The following TSPAN2 variants were observed in gnomAD, a reference collection of about 807,000 sequenced individuals.
TSPAN2 encodes the protein tetraspanin 2, also known as tetraspanin-2.
A neutral mutation model predicts 33.3 loss-of-function variants in TSPAN2; 24 were observed. That is an observed-to-expected ratio of 0.72 (90% CI 0.52 to 1.01). TSPAN2 has a LOEUF of 1.01. TSPAN2 is among the 50% of genes least tolerant of loss of function. The pLI is 0.00. For missense variants in TSPAN2, 278 were observed against 281.3 expected (o/e 0.99, Z 0.08); for synonymous variants, 114 against 104.5 (o/e 1.09, Z -0.56).
intron 1 of TSPAN2, among the ~76,000 whole-genome samples, chr1:115,074,447 C>T (rs1392162658): frequency 6.6e-6 from 1 of 152,146 alleles, no homozygotes; most frequent in Non-Finnish European, 1.5e-5. Flanking sequence ...CAGCTGGACT[C>T]TCCCTTGTGG....
chr1:115,060,642 GTTCA>G (rs140361788), intron 3 of TSPAN2, 104 bp from the exon 4 acceptor site: 244 of 822,048 alleles, frequency 3.0e-4, no homozygotes, highest in Non-Finnish European at 3.4e-4. Flanking sequence ...CTTTCATGTG[GTTCA>G]TTCATTCATT....
chr1:115,053,378 C>G lies in TSPAN2; in HGVS notation c.600+1G>C. On this transcript the variant is annotated splice_donor_variant, in intron 7 of 7. Coordinates refer to ENST00000369516, the MANE Select transcript of TSPAN2 (RefSeq NM_005725.6). LOFTEE classifies it high-confidence loss of function. ...AAGGGTAAGTTCTAGAACTTTCTCA[C>G]CGTCAGACCTGCAATTCCAATACCG... 2 of 1,613,768 alleles carry G rather than the reference C, an allele frequency of 1.2e-6. No individual in the cohort carries two copies. Among genetic ancestry groups the G allele is most frequent in the South Asian group, 2.2e-5 (2 of 91,054 alleles).
chr1:115,052,738 C>T (rs1647226734), intron 7 of TSPAN2, among the ~76,000 whole-genome samples: 1 of 152,168 alleles, frequency 6.6e-6, no homozygotes, highest in Non-Finnish European at 1.5e-5. Context: ...ATTGCCTTTG[C>T]CTGGTAGATT....
intron 7 of TSPAN2, among the ~76,000 whole-genome samples, 197 bp from the exon 8 acceptor site, chr1:115,050,752 T>C (rs529953927): frequency 1.3e-5 from 2 of 152,324 alleles, no homozygotes; most frequent in African/African-American, 4.8e-5. Flanking sequence ...TAAATGTGTA[T>C]TATTATTGTT....
In TSPAN2 at chr1:115,074,198, GGTCTAA is replaced by G. The variant is rs573247475; in HGVS notation, c.70-1197_70-1192del. Among the ~76,000 whole-genome samples the G allele has an allele frequency of 6.6e-5, 10 of 152,258 alleles. No individual in the cohort carries two copies. The East Asian group carries it at 1.9e-3, about 29-fold the overall frequency. On this transcript the variant is annotated intron_variant, in intron 1 of 7. Transcript: ENST00000369516. ...GGAGGATGGAAATCAGAGAAGCAGA[GGTCTAA>G]AAGGAAAAATCGCACCAGAGACAGC...
intron 1 of TSPAN2, among the ~76,000 whole-genome samples, chr1:115,087,903 C>A (rs1648903750): frequency 6.6e-6 from 1 of 152,134 alleles, no homozygotes; most frequent in Non-Finnish European, 1.5e-5. Context: ...GCACTGAACC[C>A]AGCTTAAGAA....
chr1:115,071,965 C>T (rs1648193282), intron 2 of TSPAN2, among the ~76,000 whole-genome samples: 1 of 152,170 alleles, frequency 6.6e-6, no homozygotes, highest in South Asian at 2.1e-4. Flanking sequence ...GGATGCTCTT[C>T]CTCCCTGCCA....
At chr1:115,071,125 A>G (rs1490939212) in intron 2 of TSPAN2, among the ~76,000 whole-genome samples, 3 of 152,068 alleles carry the variant, frequency 2.0e-5, no homozygotes, top group Admixed American at 1.3e-4. Context: ...CACAGGTCCT[A>G]TGGGGAGCCC....
intron 6 of TSPAN2, 65 bp from the exon 7 acceptor site, chr1:115,053,527 T>C (rs546203205): frequency 1.2e-5 from 16 of 1,349,950 alleles, no homozygotes; most frequent in Admixed American, 1.1e-4. Context: ...ATCCTGATCC[T>C]ATCCTTTCCA....
At chr1:115,075,888 C>T (rs1648385477) in intron 1 of TSPAN2, among the ~76,000 whole-genome samples, 1 of 151,982 alleles carries the variant, frequency 6.6e-6, no homozygotes, top group Non-Finnish European at 1.5e-5. Context: ...TTCTTCTGCC[C>T]CCAGCCACAT....
chr1:115,062,124 G>T lies in TSPAN2; in HGVS notation c.270+11C>A, dbSNP rs777788261. 11 of 1,383,420 alleles carry T rather than the reference G, an allele frequency of 8.0e-6. No homozygotes were observed. Among genetic ancestry groups the T allele is most frequent in the Non-Finnish European group, 1.1e-5 (11 of 1,011,000 alleles). 85.7% of individuals were successfully genotyped at this position (1,383,420 alleles called of 1,614,324 possible). On this transcript the variant is annotated intron_variant, in intron 3 of 7. Coordinates refer to ENST00000369516, the MANE Select transcript of TSPAN2 (RefSeq NM_005725.6). ...CCCCCACCCCACCATTTACCCCCTCGCCCCACTTACTGATCCAAGCACACA... is the reference window on the plus strand; with the variant it reads ...CCCCCACCCCACCATTTACCCCCTCTCCCCACTTACTGATCCAAGCACACA...
intron 1 of TSPAN2, among the ~76,000 whole-genome samples, chr1:115,075,887 C>T (rs1176056705): frequency 6.6e-6 from 1 of 151,996 alleles, no homozygotes; most frequent in Non-Finnish European, 1.5e-5. Flanking sequence ...CTTCTTCTGC[C>T]CCCAGCCACA....
intron 2 of TSPAN2, among the ~76,000 whole-genome samples, chr1:115,072,665 C>T (rs952066756): frequency 5.3e-5 from 8 of 152,208 alleles, no homozygotes; most frequent in South Asian, 2.1e-4. Flanking sequence ...TTTTGGAGAG[C>T]GGAGGAACAG....
In TSPAN2 at chr1:115,062,182, AG is replaced by A; in HGVS notation, c.222del (p.Phe75SerfsTer23). 1 of 1,602,662 alleles carries A rather than the reference AG, an allele frequency of 6.2e-7. No individual in the cohort carries two copies. The highest frequency in any genetic ancestry group is 8.5e-7 in the Non-Finnish European group (1 of 1,174,480). On this transcript the variant is annotated frameshift_variant, in exon 3 of 8. Transcript: ENST00000369516. LOFTEE classifies it high-confidence loss of function. ...GAGALMMAVG[F>X]FGCCGAMRES... ...TCCCGCATGGCTCCGCAGCACCCGA[AG>A]AACCCCACGGCCATCATCAGGGCCC...
At chr1:115,077,370 A>G (rs560454012) in intron 1 of TSPAN2, among the ~76,000 whole-genome samples, 6 of 152,166 alleles carry the variant, frequency 3.9e-5, no homozygotes, top group Non-Finnish European at 8.8e-5. Context: ...AGGGAAAGGA[A>G]TAGATAGTGA....
chr1:115,051,100 A>G (rs2101019179), intron 7 of TSPAN2, among the ~76,000 whole-genome samples: 1 of 152,274 alleles, frequency 6.6e-6, no homozygotes, highest in South Asian at 2.1e-4. Context: ...GCTTGAGCTC[A>G]GGAGTTCTAG....
At chr1:115,085,497 C>A (rs1648798234) in intron 1 of TSPAN2, among the ~76,000 whole-genome samples, 1 of 152,166 alleles carries the variant, frequency 6.6e-6, no homozygotes, top group Non-Finnish European at 1.5e-5. Flanking sequence ...TGGCGAGGTT[C>A]TGATTGGAAG....
At position 115,066,800 on chromosome 1, in the gene TSPAN2, T is replaced by C. The variant is rs562874921; in HGVS notation, c.173-4568A>G. Among the ~76,000 whole-genome samples the C allele has an allele frequency of 3.9e-5, 6 of 152,314 alleles. 1 individual carries two copies. In the South Asian group the frequency reaches 1.2e-3, roughly 32 times the overall value. On this transcript the variant is annotated intron_variant, in intron 2 of 7. Transcript: ENST00000369516. ...CAACTTAGTTTTTGGGAAGGGCAAG[T>C]GTTTCAGATTTAGGATGTTTTCACA...
At position 115,089,478 on chromosome 1, in the gene TSPAN2, G is replaced by C. The variant is rs761404135; in HGVS notation, c.-46C>G. Reference sequence around the variant, plus strand: ...TCCCCAGTCCCCAGGCCCGCGCTACGAGCGCGGGGAGCGGCAGGCTCCGGC... The same window carrying C: ...TCCCCAGTCCCCAGGCCCGCGCTACCAGCGCGGGGAGCGGCAGGCTCCGGC... On this transcript the variant is annotated 5_prime_UTR_variant, in exon 1 of 8. Transcript: ENST00000369516. 26 of 1,365,124 alleles carry C rather than the reference G, an allele frequency of 1.9e-5. No individual in the cohort carries two copies. The highest frequency in any genetic ancestry group is 5.1e-5 in the South Asian group (3 of 58,900). 84.6% of individuals were successfully genotyped at this position (1,365,124 alleles called of 1,614,324 possible). A position where few individuals can be genotyped will look rare whatever the true frequency, so the allele number is the denominator to read the frequency against.
Sources: gnomAD v4.1 joint callset for allele counts (sites outside exome capture counted in the v4.1 genomes callset) on GRCh38, gnomAD v4.1.1 for gene constraint, MANE v1.5 for transcripts, NCBI Gene and HGNC (gene_info 2026-07-23, HGNC 2026-07-21) for gene names.